NOL9: variants seen among roughly 807,000 people sequenced by gnomAD.
NOL9 encodes the protein nucleolar protein 9.
NOL9 carries 28 observed loss-of-function variants against 67.9 expected under a neutral mutation model. The ratio of observed to expected loss-of-function variants is 0.41; its 90% CI spans 0.31 to 0.57. NOL9 has a LOEUF of 0.57. Ranked by LOEUF, NOL9 falls within the 20% of genes least tolerant of loss-of-function variation. The pLI, the probability that NOL9 is intolerant of heterozygous loss-of-function variation, is 0.25. For synonymous variants in NOL9, 356 were observed against 352.2 expected (o/e 1.01, Z -0.12); for missense variants, 777 against 897.0 (o/e 0.87, Z 1.71).
chr1:6,540,209 G>A (rs940029975), intron 6 of NOL9, among the ~76,000 whole-genome samples: 16 of 144,968 alleles, frequency 1.1e-4, no homozygotes, highest in African/African-American at 3.6e-4. Flanking sequence ...TGCAAGCTCC[G>A]CCTCCTGGGT....
chr1:6,535,789 A>C (rs909121160), intron 6 of NOL9, among the ~76,000 whole-genome samples: 2 of 152,002 alleles, frequency 1.3e-5, no homozygotes, highest in Non-Finnish European at 2.9e-5. Context: ...TTAGCCAGGC[A>C]TGGTGGCGGG....
In NOL9 at chr1:6,554,089, C is replaced by A; in HGVS notation, c.396+18G>T. The A allele has an allele frequency of 4.0e-6, 6 of 1,512,370 alleles. No individual in the cohort carries two copies. The highest frequency in any genetic ancestry group is 5.3e-6 in the Non-Finnish European group (6 of 1,129,778). The allele number at this position is 1,512,370 out of a possible 1,614,324, so 93.7% of individuals were successfully genotyped here. A position where few individuals can be genotyped will look rare whatever the true frequency, so the allele number is the denominator to read the frequency against. Reference sequence around the variant, plus strand: ...CCCTCCCTGCCCTCGGGGACTACTACCGGCGCCCCCCACCTACCTGCTCGA... The same window carrying A: ...CCCTCCCTGCCCTCGGGGACTACTAACGGCGCCCCCCACCTACCTGCTCGA... On this transcript the variant is annotated intron_variant, in intron 1 of 11. Coordinates refer to ENST00000377705, the MANE Select transcript of NOL9 (RefSeq NM_024654.5).
In NOL9 at chr1:6,525,174, C is replaced by T. The variant is rs1012646428; in HGVS notation, c.*680G>A. 6.6e-6 allele frequency: 1 copy of T among 152,068 alleles called. No individual in the cohort carries two copies. Among genetic ancestry groups the T allele is most frequent in the Non-Finnish European group, 1.5e-5 (1 of 68,026 alleles). 9.4% of individuals were successfully genotyped at this position (152,068 alleles called of 1,614,324 possible). A position where few individuals can be genotyped will look rare whatever the true frequency, so the allele number is the denominator to read the frequency against. ...TCTTTTCTTTTTTAAAAGATAAGGT[C>T]TTACTCTGTCGCTCAGGCTGGAGTA... On this transcript the variant is annotated 3_prime_UTR_variant, in exon 12 of 12. Transcript: ENST00000377705.
At chr1:6,550,040 T>A (rs2148662378) in intron 2 of NOL9, among the ~76,000 whole-genome samples, 1 of 151,422 alleles carries the variant, frequency 6.6e-6, no homozygotes, top group East Asian at 1.9e-4. Flanking sequence ...TAAAATAATT[T>A]TTTTTTTTTG....
rs1638821028 is a variant in NOL9, at chr1:6,523,792, C to G, written c.*2062G>C. 1 of 152,086 alleles carries G rather than the reference C, an allele frequency of 6.6e-6. No individual in the cohort carries two copies. The highest frequency in any genetic ancestry group is 2.4e-5 in the African/African-American group (1 of 41,402). The allele number at this position is 152,086 out of a possible 1,614,324, so 9.4% of individuals were successfully genotyped here. On this transcript the variant is annotated 3_prime_UTR_variant, in exon 12 of 12. Coordinates refer to ENST00000377705, the MANE Select transcript of NOL9 (RefSeq NM_024654.5). Reference sequence around the variant, plus strand: ...CCCAGTACGGCCACCTGACCCACAGCTGATAGCTCCCTCTAGAGGCAACGA... The same window carrying G: ...CCCAGTACGGCCACCTGACCCACAGGTGATAGCTCCCTCTAGAGGCAACGA...
rs1295838360 is a variant in NOL9 at position 6,554,200 on chromosome 1, G to A, written c.303C>T (p.Leu101=). The change falls in exon 1 of 12, where the codon CTC becomes CTT. Residue 101 remains leucine, a synonymous_variant. Coordinates refer to ENST00000377705, the MANE Select transcript of NOL9 (RefSeq NM_024654.5). ...GCCGGTGGCAACTCGAGGCGGATTCGAGTTCGGGTTCGGACTCGGGTTCGG... is the reference window on the plus strand; with the variant it reads ...GCCGGTGGCAACTCGAGGCGGATTCAAGTTCGGGTTCGGACTCGGGTTCGG... ...PASEPESEPE[L]ESASSCHRPL... 6.6e-7 allele frequency: 1 copy of A among 1,522,518 alleles called. No homozygotes were observed. The allele number at this position is 1,522,518 out of a possible 1,614,324, so 94.3% of individuals were successfully genotyped here.
At chr1:6,539,964 G>A (rs1210305096) in intron 6 of NOL9, among the ~76,000 whole-genome samples, 4 of 152,062 alleles carry the variant, frequency 2.6e-5, no homozygotes, top group African/African-American at 7.2e-5. Flanking sequence ...GAGGACAAGA[G>A]GAGGACAAGA....
At chr1:6,554,021 G>A (rs2148663858) in intron 1 of NOL9, 86 bp downstream of exon 1, 1 of 1,134,774 alleles carries the variant, frequency 8.8e-7, no homozygotes, top group East Asian at 3.1e-5. Context: ...GGGGGACCAC[G>A]GTCCTCTCCT....
chr1:6,532,090 A>C lies in NOL9; in HGVS notation c.1536-11T>G. The C allele has an allele frequency of 1.3e-6, 2 of 1,595,098 alleles. No individual in the cohort carries two copies. The highest frequency in any genetic ancestry group is 1.7e-6 in the Non-Finnish European group (2 of 1,162,718). On this transcript the variant is annotated splice_polypyrimidine_tract_variant and intron_variant, in intron 8 of 11. Transcript: ENST00000377705. ...TTGTTATGTGACTCTCTGAAAGGCA[A>C]ATCACAACAAGGTAAGTAGACATTT...
chr1:6,535,183 G>A (rs1221443449), intron 6 of NOL9, among the ~76,000 whole-genome samples: 1 of 152,288 alleles, frequency 6.6e-6, no homozygotes, highest in East Asian at 1.9e-4. Flanking sequence ...ACATATGTAT[G>A]TTTGGGTTTA....
intron 3 of NOL9, among the ~76,000 whole-genome samples, chr1:6,547,062 C>T (rs908561180): frequency 1.4e-4 from 22 of 152,198 alleles, no homozygotes; most frequent in African/African-American, 4.8e-4. Context: ...CCACCAAAAC[C>T]GATGACTATC....
intron 6 of NOL9, among the ~76,000 whole-genome samples, chr1:6,540,606 A>G (rs908683084): frequency 3.9e-5 from 6 of 152,068 alleles, no homozygotes; most frequent in Non-Finnish European, 8.8e-5. Context: ...TGAGTAGATG[A>G]CCTGAGGTCA....
Position 6,530,226 on chromosome 1 carries a change from G to A in NOL9, c.1648-1055C>T, listed in dbSNP as rs184531514. Among the ~76,000 whole-genome samples the A allele has an allele frequency of 5.9e-3, 891 of 152,276 alleles. 4 individuals are homozygous for A. Among genetic ancestry groups the A allele is most frequent in the Non-Finnish European group, 0.01 (687 of 68,024 alleles). On this transcript the variant is annotated intron_variant, in intron 9 of 11. Transcript: ENST00000377705. ...CCAGCACTTTGGGAGGCTGAGGCGG[G>A]TGGATCATCTGAGGTCAGGAGTTCG...
At chr1:6,547,724 G>A (rs1379125974) in intron 3 of NOL9, among the ~76,000 whole-genome samples, 2 of 151,950 alleles carry the variant, frequency 1.3e-5, no homozygotes, top group African/African-American at 2.4e-5. Context: ...GAGTCATGGC[G>A]TGTACCTGTA....
At chr1:6,535,302 T>C (rs373311200) in intron 6 of NOL9, among the ~76,000 whole-genome samples, 48 of 152,210 alleles carry the variant, frequency 3.2e-4, no homozygotes, top group African/African-American at 9.4e-4. Context: ...TCTCTCTCCA[T>C]GAAAAGGAGC....
At chr1:6,538,354 A>G (rs898197632) in intron 6 of NOL9, among the ~76,000 whole-genome samples, 4 of 152,168 alleles carry the variant, frequency 2.6e-5, no homozygotes, top group African/African-American at 9.7e-5. Flanking sequence ...TAAACTCAAC[A>G]AAAAGTAACA....
rs551580665 is a variant in NOL9, at chr1:6,543,347, C to T, written c.978-1420G>A. Among the ~76,000 whole-genome samples the T allele has an allele frequency of 2.2e-4, 33 of 152,268 alleles. No individual in the cohort carries two copies. The East Asian group carries it at 5.0e-3, about 23-fold the overall frequency. ...AATAGCTGGGACTACAGGTGCCTGC[C>T]ACCACGCCCAGCTAATGTTTTGTAT... On this transcript the variant is annotated intron_variant, in intron 5 of 11. Coordinates refer to ENST00000377705, the MANE Select transcript of NOL9 (RefSeq NM_024654.5).
At chr1:6,535,928 CA>C (rs35594987) in intron 6 of NOL9, among the ~76,000 whole-genome samples, 55 of 137,890 alleles carry the variant, frequency 4.0e-4, no homozygotes, top group African/African-American at 6.0e-4. Flanking sequence ...AACTCCATCT[CA>C]AAAAAAAAAA....
intron 6 of NOL9, among the ~76,000 whole-genome samples, chr1:6,540,161 C>G (rs1366162139): frequency 8.6e-6 from 1 of 116,886 alleles, no homozygotes; most frequent in African/African-American, 3.2e-5. Context: ...CTTGCTCTGT[C>G]GCCCAGGCTG....
Sources: allele counts gnomAD v4.1 joint callset (sites outside exome capture counted in the v4.1 genomes callset), GRCh38; gene constraint gnomAD v4.1.1; transcripts MANE v1.5; gene names NCBI Gene and HGNC (gene_info 2026-07-23, HGNC 2026-07-21).